The following CARD14 variants were observed in gnomAD, a reference collection of about 807,000 sequenced individuals.
The protein encoded by CARD14 is caspase recruitment domain family member 14, also known as caspase recruitment domain-containing protein 14.
In CARD14, 107 loss-of-function variants were observed where a neutral mutation model predicts 111.5. That is an observed-to-expected ratio of 0.96 (90% CI 0.82 to 1.13). The LOEUF is 1.13. CARD14 is among the 50% of genes most tolerant of loss of function. The probability of loss-of-function intolerance (pLI) is 0.00; values close to 1 mark genes in which losing one functional copy is unlikely to be tolerated. For missense variants in CARD14, 1,322 were observed against 1,362.3 expected, an observed-to-expected ratio of 0.97 and a Z score of 0.47; for synonymous variants, 617 against 579.6, an observed-to-expected ratio of 1.06 and a Z score of -0.93.
intron 16 of CARD14, among the ~76,000 whole-genome samples, chr17:80,200,218 C>T (rs987529140): frequency 4.0e-4 from 55 of 137,074 alleles, no homozygotes; most frequent in Non-Finnish European, 7.4e-4. Flanking sequence ...GGAAGCCTTT[C>T]TTTACATGTC....
At position 80,183,907 on chromosome 17, in the gene CARD14, C is replaced by T; in HGVS notation, c.350-6C>T. On this transcript the variant is annotated splice_region_variant and splice_polypyrimidine_tract_variant and intron_variant, in intron 6 of 23. Coordinates refer to ENST00000648509, the MANE Select transcript of CARD14 (RefSeq NM_001366385.1). ...CTCACTTGCTCACCTGCCCATCTGC[C>T]CACAGGTCTCATGGAGACATCCAAG... 1 of 1,480,776 alleles carries T rather than the reference C, an allele frequency of 6.8e-7. No individual in the cohort carries two copies. 91.7% of individuals were successfully genotyped at this position (1,480,776 alleles called of 1,614,324 possible).
rs117087009 is a variant in CARD14, at chr17:80,184,493, G to T, written c.675+255G>T. Among the ~76,000 whole-genome samples, 1,902 of 152,342 alleles carry T rather than the reference G, an allele frequency of 0.012. 20 individuals are homozygous for T. Among genetic ancestry groups the T allele is most frequent in the South Asian group, 0.043 (206 of 4,832 alleles). Reference sequence around the variant, plus strand: ...TAGCTGCCCGTGGCCTGGCTGGCTTGTCTGTGAACTGCCCATCCTGCTGAC... The same window carrying T: ...TAGCTGCCCGTGGCCTGGCTGGCTTTTCTGTGAACTGCCCATCCTGCTGAC... On this transcript the variant is annotated intron_variant, in intron 7 of 23. Transcript: ENST00000648509.
intron 14 of CARD14, chr17:80,197,546 A>AG (rs2040761201): frequency 6.7e-6 from 1 of 149,316 alleles, no homozygotes; most frequent in Non-Finnish European, 1.4e-5. Flanking sequence ...AAAAAAAAAA[A>AG]GAAAGAAAGA....
intron 12 of CARD14, among the ~76,000 whole-genome samples, chr17:80,194,788 C>G (rs1409127953): frequency 1.3e-5 from 2 of 152,156 alleles, no homozygotes; most frequent in African/African-American, 4.8e-5. Flanking sequence ...GGGAAACGGA[C>G]CCCATGATTC....
chr17:80,173,849 G>A (rs768354882), intron 2 of CARD14, among the ~76,000 whole-genome samples: 3 of 151,772 alleles, frequency 2.0e-5, no homozygotes, highest in Admixed American at 6.6e-5. Context: ...TGCCCACCTC[G>A]GCCTCCCAAA....
intron 21 of CARD14, 35 bp downstream of exon 21, chr17:80,205,240 C>G (rs367744677): frequency 6.4e-6 from 10 of 1,561,106 alleles, no homozygotes; most frequent in Non-Finnish European, 8.7e-6. Flanking sequence ...CTACCCCTTC[C>G]ACCTTCCCTC....
chr17:80,203,798 C>G lies in CARD14; in HGVS notation c.2220-24C>G, dbSNP rs1207530704. Reference sequence around the variant, plus strand: ...CTCACCTGGCAGGAGGCAGCTGGGTCAGGGCCTCTGCTGGTCTCTGCAGGG... The same window carrying G: ...CTCACCTGGCAGGAGGCAGCTGGGTGAGGGCCTCTGCTGGTCTCTGCAGGG... On this transcript the variant is annotated intron_variant, in intron 18 of 23. Coordinates refer to ENST00000648509, the MANE Select transcript of CARD14 (RefSeq NM_001366385.1). The surrounding 1 kb of genome is among the most constrained non-coding windows in gnomAD (Gnocchi z 4.6). The G allele has an allele frequency of 1.3e-6, 2 of 1,553,454 alleles. No individual in the cohort carries two copies. The highest frequency in any genetic ancestry group is 1.7e-6 in the Non-Finnish European group (2 of 1,147,670).
At chr17:80,199,515 T>C (rs1567893279) in intron 16 of CARD14, among the ~76,000 whole-genome samples, 1 of 140,478 alleles carries the variant, frequency 7.1e-6, no homozygotes, top group African/African-American at 2.6e-5. Flanking sequence ...TGAGCTAAGA[T>C]TGCACCACTG....
chr17:80,171,556 A>G (rs2039904796), intron 1 of CARD14, among the ~76,000 whole-genome samples: 1 of 152,120 alleles, frequency 6.6e-6, no homozygotes. Flanking sequence ...ACAAGTTACA[A>G]AGAAACTCCT....
chr17:80,195,159 T>C lies in CARD14; in HGVS notation c.1357-32T>C, dbSNP rs367763902. On this transcript the variant is annotated intron_variant, in intron 12 of 23. Transcript: ENST00000648509. The surrounding 1 kb of genome is among the most constrained non-coding windows in gnomAD (Gnocchi z 4.7). The stretch of plus-strand genomic sequence containing the variant: ...AGGAGTCTCAGGGTGTCCTCGTGCG[T>C]GCCCCACTGACTTCTGCCCTCCCTC... 7.0e-6 allele frequency: 11 copies of C among 1,575,654 alleles called. No individual in the cohort carries two copies. The highest frequency in any genetic ancestry group is 9.5e-6 in the Non-Finnish European group (11 of 1,155,452).
chr17:80,181,908 A>G (rs2040188469), intron 5 of CARD14, among the ~76,000 whole-genome samples: 4 of 152,204 alleles, frequency 2.6e-5, no homozygotes, highest in Admixed American at 2.6e-4. Context: ...ACCACCATTC[A>G]CACCACTACA....
chr17:80,204,856 G>A lies in CARD14; in HGVS notation c.2399-179G>A, dbSNP rs113788514. ...TGTGTAACCCCCGTGCAAAGGAGCC[G>A]CTCAGCCAGGGGCTATGGAACTGGG... On this transcript the variant is annotated intron_variant, in intron 20 of 23. Coordinates refer to ENST00000648509, the MANE Select transcript of CARD14 (RefSeq NM_001366385.1). The A allele has an allele frequency of 2.9e-3, 1,674 of 570,416 alleles. 7 individuals carry two copies. The highest frequency in any genetic ancestry group is 4.0e-3 in the Non-Finnish European group (1,311 of 328,340). 35.3% of individuals were successfully genotyped at this position (570,416 alleles called of 1,614,324 possible).
At chr17:80,173,499 C>G (rs932466009) in intron 2 of CARD14, among the ~76,000 whole-genome samples, 8 of 152,090 alleles carry the variant, frequency 5.3e-5, no homozygotes, top group Non-Finnish European at 1.0e-4. Flanking sequence ...AATTTTAGTT[C>G]AGCTCAGATG....
In CARD14 at chr17:80,195,786, TGACCTTGGCCTC is replaced by T. The variant is rs1480156002; in HGVS notation, c.1594+142_1594+153del. The T allele has an allele frequency of 1.3e-6, 1 of 753,442 alleles. No individual in the cohort carries two copies. Among genetic ancestry groups the T allele is most frequent in the Non-Finnish European group, 2.1e-6 (1 of 468,556 alleles). 46.7% of individuals were successfully genotyped at this position (753,442 alleles called of 1,614,324 possible). A position where few individuals can be genotyped will look rare whatever the true frequency, so the allele number is the denominator to read the frequency against. On this transcript the variant is annotated intron_variant, in intron 14 of 23. Coordinates refer to ENST00000648509, the MANE Select transcript of CARD14 (RefSeq NM_001366385.1). The surrounding 1 kb of genome is among the most constrained non-coding windows in gnomAD (Gnocchi z 4.7). ...AGAGCTCAACTTCTGCCCTGGGCCT[TGACCTTGGCCTC>T]GACCTTGCACTTTGGGAAAGTCCCG... is the stretch of plus-strand genomic sequence containing the variant.
intron 23 of CARD14, among the ~76,000 whole-genome samples, chr17:80,207,428 G>A (rs935920015): frequency 1.3e-5 from 2 of 152,184 alleles, no homozygotes; most frequent in Non-Finnish European, 2.9e-5. Context: ...GCGGGCGCCT[G>A]TAATCCCAGC....
In CARD14 at chr17:80,188,584, T is replaced by A. The variant is rs530546975; in HGVS notation, c.843+40T>A. The A allele has an allele frequency of 4.2e-6, 6 of 1,419,334 alleles. No individual in the cohort carries two copies. In the South Asian group the frequency reaches 1.0e-4, roughly 24 times the overall value. 87.9% of individuals were successfully genotyped at this position (1,419,334 alleles called of 1,614,324 possible). ...CCGCAGCAGAGAGCGGCCTCCTGCC[T>A]TGGGGGCTTGGCCCTCAGGCTGTGG... On this transcript the variant is annotated intron_variant, in intron 8 of 23. Coordinates refer to ENST00000648509, the MANE Select transcript of CARD14 (RefSeq NM_001366385.1). This position sits in a 1 kb window ranked among gnomAD's most constrained non-coding sequence, Gnocchi z 4.5.
rs1337453535 is a variant in CARD14, at chr17:80,195,289, C to T, written c.1455C>T (p.Tyr485=). 1.9e-6 allele frequency: 3 copies of T among 1,613,004 alleles called. No individual in the cohort carries two copies. The highest frequency in any genetic ancestry group is 2.2e-5 in the South Asian group (2 of 91,054). The change falls in exon 13 of 24, where the codon TAC becomes TAT. Residue 485 remains tyrosine (Y), a synonymous_variant. Transcript: ENST00000648509. This position sits in a 1 kb window ranked among gnomAD's most constrained non-coding sequence, Gnocchi z 4.7. ...SPAPPSQQSL[Y]KRVAEDFGEE... ...CGCCCCCCAGCCAGCAGTCCCTGTA[C>T]AAGCGGGTGGCCGAGGACTTCGGGG... is the stretch of plus-strand genomic sequence containing the variant.
chr17:80,205,752 C>G (rs2041266430), intron 22 of CARD14, 100 bp downstream of exon 22: 2 of 1,270,486 alleles, frequency 1.6e-6, no homozygotes, highest in African/African-American at 1.5e-5. Context: ...CGACCTGAGA[C>G]CTGGGTGACC....
chr17:80,179,913 A>G (rs1289845993), intron 4 of CARD14, among the ~76,000 whole-genome samples: 1 of 152,246 alleles, frequency 6.6e-6, no homozygotes, highest in Non-Finnish European at 1.5e-5. Context: ...AAAAGGCGCC[A>G]TCTGCCTCGC....
Sources: gnomAD v4.1 joint callset for allele counts (sites outside exome capture counted in the v4.1 genomes callset) on GRCh38, gnomAD v4.1.1 for gene constraint, Gnocchi (gnomAD v3.1) non-coding constraint, MANE v1.5 for transcripts, NCBI Gene and HGNC (gene_info 2026-07-23, HGNC 2026-07-21) for gene names.